The following PEX14 variants were observed in gnomAD, a reference collection of about 807,000 sequenced individuals.
PEX14 encodes the protein peroxisomal biogenesis factor 14.
PEX14 carries 15 observed loss-of-function variants against 49.5 expected under a neutral mutation model. The observed-to-expected ratio is 0.30, with a 90% confidence interval of 0.20 to 0.47. The LOEUF (loss-of-function observed/expected upper bound fraction) is 0.47. Among genes scored for constraint, PEX14 ranks in the 20% least tolerant of loss-of-function variants. The probability of loss-of-function intolerance (pLI) is 1.00; values close to 1 mark genes in which losing one functional copy is unlikely to be tolerated. For synonymous variants in PEX14, 210 were observed against 212.7 expected (o/e 0.99, Z 0.11); for missense variants, 398 against 494.8 (o/e 0.80, Z 1.86).
intron 3 of PEX14, among the ~76,000 whole-genome samples, chr1:10,579,049 A>G (rs1329886437): frequency 7.5e-6 from 1 of 133,670 alleles, no homozygotes; most frequent in Non-Finnish European, 1.7e-5. Context: ...TCCAATTTTG[A>G]TTAAAGTAAC....
rs1641537703 is a variant in PEX14, at chr1:10,495,243, A to G, written c.37-31A>G. 1.9e-6 allele frequency: 3 copies of G among 1,611,228 alleles called. No individual in the cohort carries two copies. In the South Asian group the frequency reaches 3.3e-5, roughly 18 times the overall value. Reference sequence around the variant, plus strand: ...TTGATGTCCATTGGGTGGCACTGTGATCTTATTTTTGTTTCCATTTTTCTC... The same window carrying G: ...TTGATGTCCATTGGGTGGCACTGTGGTCTTATTTTTGTTTCCATTTTTCTC... On this transcript the variant is annotated intron_variant, in intron 1 of 8. Transcript: ENST00000356607. This position sits in a 1 kb window ranked among gnomAD's most constrained non-coding sequence, Gnocchi z 4.2.
intron 2 of PEX14, among the ~76,000 whole-genome samples, chr1:10,497,982 A>G (rs1019229178): frequency 5.3e-5 from 8 of 152,202 alleles, no homozygotes; most frequent in Non-Finnish European, 7.3e-5. Context: ...TCCCCTTATT[A>G]AAAAAGTAAG....
Position 10,514,679 on chromosome 1 carries a change from A to G in PEX14, c.84+19358A>G, listed in dbSNP as rs1000090072. Reference sequence around the variant, plus strand: ...CTGGGGAAACTGGATTTCAAAAGAAAGAAGTTTTTCTGCTTGAGTTGGAGG... The same window carrying G: ...CTGGGGAAACTGGATTTCAAAAGAAGGAAGTTTTTCTGCTTGAGTTGGAGG... On this transcript the variant is annotated intron_variant, in intron 2 of 8. Coordinates refer to ENST00000356607, the MANE Select transcript of PEX14 (RefSeq NM_004565.3). This position sits in a 1 kb window ranked among gnomAD's most constrained non-coding sequence, Gnocchi z 4.4. Among the ~76,000 whole-genome samples, 2 of 152,166 alleles carry G rather than the reference A, an allele frequency of 1.3e-5. No homozygotes were observed. The highest frequency in any genetic ancestry group is 4.8e-5 in the African/African-American group (2 of 41,436).
At chr1:10,534,687 A>G (rs1433744298) in intron 2 of PEX14, among the ~76,000 whole-genome samples, 1 of 152,064 alleles carries the variant, frequency 6.6e-6, no homozygotes, top group African/African-American at 2.4e-5. Flanking sequence ...TGTCGGCAGC[A>G]TTGGAGGACA....
intron 1 of PEX14, among the ~76,000 whole-genome samples, chr1:10,483,829 T>TA (rs1198682884): frequency 6.6e-6 from 1 of 151,682 alleles, no homozygotes; most frequent in Non-Finnish European, 1.5e-5. Context: ...AACGTTCCCT[T>TA]ACGCCCCTTC....
Position 10,495,205 on chromosome 1 carries a change from C to T in PEX14, c.37-69C>T. On this transcript the variant is annotated intron_variant, in intron 1 of 8. Coordinates refer to ENST00000356607, the MANE Select transcript of PEX14 (RefSeq NM_004565.3). The surrounding 1 kb of genome is among the most constrained non-coding windows in gnomAD (Gnocchi z 4.2). ...CAGCGTGCATCGTTTGAGAACGGAA[C>T]ATCTTTGGTTTTTTGATGTCCATTG... 1 of 1,572,748 alleles carries T rather than the reference C, an allele frequency of 6.4e-7. No homozygotes were observed. Among genetic ancestry groups the T allele is most frequent in the Non-Finnish European group, 8.7e-7 (1 of 1,143,040 alleles).
rs954017263 is a variant in PEX14 at position 10,613,285 on chromosome 1, G to A, written c.299-5047G>A. Among the ~76,000 whole-genome samples, 1 of 152,186 alleles carries A rather than the reference G, an allele frequency of 6.6e-6. No individual in the cohort carries two copies. The highest frequency in any genetic ancestry group is 1.9e-4 in the East Asian group (1 of 5,194). ...AAACAGAGTCATGTTGGTTTTGTTG[G>A]TGTTCAGTGAATAGTTAGGAGCTGT... On this transcript the variant is annotated intron_variant, in intron 4 of 8. Coordinates refer to ENST00000356607, the MANE Select transcript of PEX14 (RefSeq NM_004565.3). This position sits in a 1 kb window ranked among gnomAD's most constrained non-coding sequence, Gnocchi z 5.0.
chr1:10,596,658 C>T (rs373798859), intron 3 of PEX14, among the ~76,000 whole-genome samples: 5 of 152,144 alleles, frequency 3.3e-5, no homozygotes, highest in South Asian at 4.1e-4. Context: ...TGTGGGGCAT[C>T]GTTTCTACCC....
chr1:10,568,735 T>A (rs1639886125), intron 3 of PEX14, among the ~76,000 whole-genome samples: 1 of 152,014 alleles, frequency 6.6e-6, no homozygotes, highest in South Asian at 2.1e-4. Flanking sequence ...AGAGTGTTTT[T>A]TGTTTTGTTT....
At chr1:10,569,337 A>G (rs1173428790) in intron 3 of PEX14, among the ~76,000 whole-genome samples, 1 of 152,052 alleles carries the variant, frequency 6.6e-6, no homozygotes, top group Non-Finnish European at 1.5e-5. Flanking sequence ...TGTACTTATC[A>G]CTGATTAATC....
chr1:10,490,614 T>G (rs1242994039), intron 1 of PEX14, among the ~76,000 whole-genome samples: 1 of 152,130 alleles, frequency 6.6e-6, no homozygotes, highest in African/African-American at 2.4e-5. Context: ...CTCTCCCCAT[T>G]CAGGCCTCTA....
intron 2 of PEX14, among the ~76,000 whole-genome samples, chr1:10,506,831 G>A (rs191627435): frequency 5.3e-5 from 8 of 152,314 alleles, no homozygotes; most frequent in African/African-American, 1.4e-4. Flanking sequence ...CAAGAAAGAC[G>A]TCTGGGAACT....
At chr1:10,519,212 A>G (rs1201602660) in intron 2 of PEX14, among the ~76,000 whole-genome samples, 2 of 152,084 alleles carry the variant, frequency 1.3e-5, no homozygotes, top group Admixed American at 6.5e-5. Context: ...CTGACAGATA[A>G]TTAACAGATC....
chr1:10,563,621 G>A (rs747765871), intron 3 of PEX14, among the ~76,000 whole-genome samples: 2 of 143,128 alleles, frequency 1.4e-5, no homozygotes, highest in Non-Finnish European at 3.0e-5. Context: ...GCGAAACTCC[G>A]TCTCAAAAAA....
chr1:10,606,549 G>A (rs1439443062), intron 4 of PEX14, among the ~76,000 whole-genome samples: 6 of 152,194 alleles, frequency 3.9e-5, no homozygotes, highest in East Asian at 1.9e-4. Context: ...TCTGGGCTGG[G>A]GAGGAACACA....
At chr1:10,621,638 C>T (rs1356585473) in intron 5 of PEX14, among the ~76,000 whole-genome samples, 1 of 152,198 alleles carries the variant, frequency 6.6e-6, no homozygotes, top group African/African-American at 2.4e-5. Flanking sequence ...AGCCACCGCG[C>T]CCGGCCAAGA....
chr1:10,621,213 G>A lies in PEX14; in HGVS notation c.385-1806G>A, dbSNP rs1641581544. Among the ~76,000 whole-genome samples, 2 of 151,798 alleles carry A rather than the reference G, an allele frequency of 1.3e-5. 1 individual carries two copies. The highest frequency in any genetic ancestry group is 4.2e-4 in the South Asian group (2 of 4,794). ...TTAAAAAAAAAAAAAAAAAGAAATG[G>A]TAAAAAGCCCTCGACTGGCTTTATA... On this transcript the variant is annotated intron_variant, in intron 5 of 8. Coordinates refer to ENST00000356607, the MANE Select transcript of PEX14 (RefSeq NM_004565.3).
At chr1:10,475,546 G>T (rs1208475559) in intron 1 of PEX14, among the ~76,000 whole-genome samples, 1 of 152,194 alleles carries the variant, frequency 6.6e-6, no homozygotes, top group Non-Finnish European at 1.5e-5. Context: ...GGAAAGGGAC[G>T]CACTGTGACT....
intron 2 of PEX14, among the ~76,000 whole-genome samples, chr1:10,524,943 A>T (rs1208135414): frequency 1.3e-5 from 2 of 152,174 alleles, no homozygotes; most frequent in Admixed American, 1.3e-4. Flanking sequence ...CTCCTGCCTC[A>T]GCCTCCCAAA....
Sources: gnomAD v4.1 joint callset for allele counts (sites outside exome capture counted in the v4.1 genomes callset) on GRCh38, gnomAD v4.1.1 for gene constraint, Gnocchi (gnomAD v3.1) non-coding constraint, MANE v1.5 for transcripts, NCBI Gene and HGNC (gene_info 2026-07-23, HGNC 2026-07-21) for gene names.